SUPT20H: variants seen among roughly 807,000 people sequenced by gnomAD.
The protein encoded by SUPT20H is SPT20 homolog, SAGA complex component.
SUPT20H carries 82 observed loss-of-function variants against 122.8 expected under a neutral mutation model. The ratio of observed to expected loss-of-function variants is 0.67; its 90% CI spans 0.56 to 0.80. The LOEUF (loss-of-function observed/expected upper bound fraction) is 0.80, where lower values mean the gene tolerates loss of function less well. Ranked by LOEUF, SUPT20H falls within the 30% of genes least tolerant of loss-of-function variation. The pLI, the probability that SUPT20H is intolerant of heterozygous loss-of-function variation, is 0.00. For missense variants in SUPT20H, 831 were observed against 921.6 expected (o/e 0.90, Z 1.27); for synonymous variants, 291 against 313.0 (o/e 0.93, Z 0.74).
At chr13:37,052,245 C>G (rs2067895966) in intron 1 of SUPT20H, among the ~76,000 whole-genome samples, 1 of 152,088 alleles carries the variant, frequency 6.6e-6, no homozygotes, top group African/African-American at 2.4e-5. Context: ...GCAAAAAGAA[C>G]AAAGCTGGAG....
intron 20 of SUPT20H, 36 bp downstream of exon 20, chr13:37,021,975 T>C: frequency 1.3e-6 from 2 of 1,524,496 alleles, no homozygotes; most frequent in Non-Finnish European, 8.8e-7. Flanking sequence ...AAACTATCTT[T>C]ATAAAAAAAA....
At chr13:37,021,420 T>A (rs759237118) in intron 21 of SUPT20H, 28 bp downstream of exon 21, 10 of 1,562,102 alleles carry the variant, frequency 6.4e-6, no homozygotes, top group Non-Finnish European at 8.7e-6. Context: ...TAATTTTTTT[T>A]AGAGGTTATT....
Position 37,047,921 on chromosome 13 carries a change from C to A in SUPT20H, c.55G>T (p.Ala19Ser). 6.2e-7 allele frequency: 1 copy of A among 1,604,648 alleles called. No individual in the cohort carries two copies. Among genetic ancestry groups the A allele is most frequent in the Non-Finnish European group, 8.5e-7 (1 of 1,175,656 alleles). ...LDRAEYVIES[A>S]RQRPPKRKYL... is the part of the protein sequence containing the mutation. ...TTCCTTTTAGGAGGTCTCTGTCGGG[C>A]ACTTTCAATGACATACTAAAAAACA... The change falls in exon 4 of 26, where the codon GCC becomes TCC. Residue 19 changes from alanine (A) to serine (S), a missense_variant. Transcript: ENST00000350612.
At chr13:37,042,589 A>G (rs774049332) in intron 7 of SUPT20H, among the ~76,000 whole-genome samples, 4 of 152,182 alleles carry the variant, frequency 2.6e-5, no homozygotes, top group Admixed American at 6.5e-5. Context: ...AGCAGGACGC[A>G]GTTATATCCA....
intron 2 of SUPT20H, among the ~76,000 whole-genome samples, chr13:37,049,096 TA>T (rs2067091330): frequency 6.6e-6 from 1 of 152,174 alleles, no homozygotes; most frequent in Non-Finnish European, 1.5e-5. Flanking sequence ...CTAGAAAGAA[TA>T]AATGATGGCT....
intron 24 of SUPT20H, 94 bp from the exon 25 acceptor site, chr13:37,010,749 A>G: frequency 3.6e-6 from 3 of 835,704 alleles, no homozygotes; most frequent in Non-Finnish European, 5.8e-6. Flanking sequence ...ATAATAGAAA[A>G]GTTAGCAGTA....
intron 4 of SUPT20H, 22 bp downstream of exon 4, chr13:37,047,856 G>A: frequency 6.3e-7 from 1 of 1,591,540 alleles, no homozygotes; most frequent in South Asian, 1.1e-5. Context: ...AATCTAAGAT[G>A]TTACCAATTA....
chr13:37,048,405 T>C (rs2066926001), intron 3 of SUPT20H, among the ~76,000 whole-genome samples, 159 bp downstream of exon 3: 2 of 152,164 alleles, frequency 1.3e-5, no homozygotes, highest in South Asian at 4.1e-4. Flanking sequence ...GATCCAAATA[T>C]CACCTGGTAT....
chr13:37,010,912 T>C (rs886974780), intron 24 of SUPT20H: 1 of 308,480 alleles, frequency 3.2e-6, no homozygotes, highest in Non-Finnish European at 6.1e-6. Context: ...TCTCTTCTCT[T>C]GCATCTGTAT....
intron 14 of SUPT20H, among the ~76,000 whole-genome samples, chr13:37,027,306 A>G (rs962817081): frequency 6.6e-6 from 1 of 151,950 alleles, no homozygotes; most frequent in African/African-American, 2.4e-5. Flanking sequence ...AACTGTTGTG[A>G]TGTCTATAAC....
At chr13:37,050,569 T>C (rs767155072) in intron 2 of SUPT20H, among the ~76,000 whole-genome samples, 3 of 152,164 alleles carry the variant, frequency 2.0e-5, no homozygotes, top group African/African-American at 4.8e-5. Flanking sequence ...AAATCAAATA[T>C]ATATAGTCTA....
intron 12 of SUPT20H, among the ~76,000 whole-genome samples, chr13:37,030,920 A>C (rs1030287424): frequency 1.3e-5 from 2 of 152,176 alleles, no homozygotes; most frequent in East Asian, 3.9e-4. Context: ...AATAGTAAGA[A>C]TAATGCATGT....
At chr13:37,030,137 G>C (rs1733689505) in intron 12 of SUPT20H, among the ~76,000 whole-genome samples, 1 of 152,102 alleles carries the variant, frequency 6.6e-6, no homozygotes, top group African/African-American at 2.4e-5. Flanking sequence ...TTTTCCTTTA[G>C]AGCTTTTCCT....
At chr13:37,058,241 G>C (rs1288878511) in intron 1 of SUPT20H, among the ~76,000 whole-genome samples, 3 of 152,152 alleles carry the variant, frequency 2.0e-5, no homozygotes, top group Non-Finnish European at 4.4e-5. Flanking sequence ...CTCCAGCCTG[G>C]ACAACAAGAG....
At chr13:37,047,635 G>A in intron 4 of SUPT20H, 34 bp from the exon 5 acceptor site, 2 of 1,340,376 alleles carry the variant, frequency 1.5e-6, no homozygotes, top group Non-Finnish European at 2.0e-6. Flanking sequence ...TATATAAAAT[G>A]TTAACAGAGT....
intron 25 of SUPT20H, 44 bp from the exon 26 acceptor site, chr13:37,009,853 C>A: frequency 6.3e-7 from 1 of 1,589,812 alleles, no homozygotes; most frequent in Non-Finnish European, 8.5e-7. Flanking sequence ...TAAATGCAGG[C>A]AGGTGTAGAA....
chr13:37,017,289 G>A lies in SUPT20H; in HGVS notation c.1948C>T (p.Pro650Ser), dbSNP rs1395519975. The change falls in exon 23 of 26, where the codon CCT (proline) becomes TCT (serine). Residue 650 changes from proline (P) to serine (S), a missense_variant. Pro to Ser is a moderately conservative substitution (Grantham distance 74). Coordinates refer to ENST00000350612, the MANE Select transcript of SUPT20H (RefSeq NM_001014286.3). ...QQLSQFTPQQ[P>S]QQPTTCSPQQ... ...GGACTACAAGTTGTGGGCTGCTGAG[G>A]TTGTTGTGGTGTAAACTGGGAGAGC... 1 of 1,614,038 alleles carries A rather than the reference G, an allele frequency of 6.2e-7. No individual in the cohort carries two copies. Among genetic ancestry groups the A allele is most frequent in the South Asian group, 1.1e-5 (1 of 91,082 alleles).
In SUPT20H at chr13:37,051,154, C is replaced by T. The variant is rs180724179; in HGVS notation, c.3+334G>A. 4.2e-3 allele frequency among the ~76,000 whole-genome samples: 633 copies of T among 152,204 alleles called. 5 individuals are homozygous for T. The highest frequency in any genetic ancestry group is 0.015 in the African/African-American group (608 of 41,528). On this transcript the variant is annotated intron_variant, in intron 2 of 25. Coordinates refer to ENST00000350612, the MANE Select transcript of SUPT20H (RefSeq NM_001014286.3). ...AAATCTAAAGAAAAGCTTTAAAATACGAGAAATCTATACTCCCCAAAACTA... is the reference window on the plus strand; with the variant it reads ...AAATCTAAAGAAAAGCTTTAAAATATGAGAAATCTATACTCCCCAAAACTA...
chr13:37,012,388 A>G (rs2059762070), intron 23 of SUPT20H, 91 bp from the exon 24 acceptor site: 1 of 984,670 alleles, frequency 1.0e-6, no homozygotes, highest in South Asian at 1.4e-5. Context: ...TATATGAAAG[A>G]AAGCAGTATT....
Sources: gnomAD v4.1 joint callset for allele counts (sites outside exome capture counted in the v4.1 genomes callset) on GRCh38, gnomAD v4.1.1 for gene constraint, MANE v1.5 for transcripts, NCBI Gene and HGNC (gene_info 2026-07-23, HGNC 2026-07-21) for gene names.